Variants in GPR132 observed in about 807,000 individuals in gnomAD.
The protein encoded by GPR132 is probable G protein-coupled receptor 132.
In GPR132, 4 loss-of-function variants were observed where a neutral mutation model predicts 1.9. The ratio of observed to expected loss-of-function variants is 2.13; its 90% confidence interval spans 1.05 to 4.87. The LOEUF is 4.87. Ranked by LOEUF, GPR132 falls within the 30% of genes most tolerant of loss-of-function variation. GPR132 has a pLI of 0.01. For synonymous variants in GPR132, 233 were observed against 234.2 expected (o/e 0.99, Z 0.05); for missense variants, 404 against 512.5 (o/e 0.79, Z 2.04).
Position 105,049,936 on chromosome 14 carries a change from T to C in GPR132, c.*1058A>G, listed in dbSNP as rs987242097. 1 of 152,318 alleles carries C rather than the reference T, an allele frequency of 6.6e-6. No homozygotes were observed. The highest frequency in any genetic ancestry group is 1.5e-5 in the Non-Finnish European group (1 of 68,122). The allele number at this position is 152,318 out of a possible 1,614,324, so 9.4% of individuals were successfully genotyped here. On this transcript the variant is annotated 3_prime_UTR_variant, in exon 4 of 4. Coordinates refer to ENST00000329797, the MANE Select transcript of GPR132 (RefSeq NM_013345.4). ...GCTGTGCCGGGCACTGGGCTCCCCA[T>C]GCAGGTGCTGCGTCTGCCCGGCTCT...
chr14:105,065,221 C>T (rs1179812995), intron 1 of GPR132, among the ~76,000 whole-genome samples, 158 bp downstream of exon 1: 1 of 152,120 alleles, frequency 6.6e-6, no homozygotes, highest in African/African-American at 2.4e-5. Flanking sequence ...CGGGAGGGAC[C>T]CCAGATTAAG....
Position 105,059,464 on chromosome 14 carries a change from G to A in GPR132, c.-860-2184C>T, listed in dbSNP as rs957110486. ...ACTGCTCAGCGCCGATCTGCCTGGC[G>A]TTCTATTCAGTCATCCCTCTGCTCA... is the stretch of plus-strand genomic sequence containing the variant. On this transcript the variant is annotated intron_variant, in intron 1 of 3. Transcript: ENST00000329797. The surrounding 1 kb of genome is among the most constrained non-coding windows in gnomAD (Gnocchi z 4.2). Among the ~76,000 whole-genome samples, 12 of 152,120 alleles carry A rather than the reference G, an allele frequency of 7.9e-5. No individual in the cohort carries two copies. The highest frequency in any genetic ancestry group is 2.6e-4 in the Admixed American group (4 of 15,274).
At chr14:105,054,335 G>A (rs1281647097) in intron 3 of GPR132, 16 of 985,114 alleles carry the variant, frequency 1.6e-5, no homozygotes, top group Non-Finnish European at 1.8e-5. Context: ...CCTCCCTCCT[G>A]TACTTGAGGG....
rs186656153 is a variant in GPR132, at chr14:105,061,747, G to A, written c.-861+3632C>T. ...GGAAGCAGGCACCACCCTCCTGGGG[G>A]GGGGGAGTCCCTCCTGGGCTGTGCA... On this transcript the variant is annotated intron_variant, in intron 1 of 3. Coordinates refer to ENST00000329797, the MANE Select transcript of GPR132 (RefSeq NM_013345.4). Among the ~76,000 whole-genome samples, 89 of 152,258 alleles carry A rather than the reference G, an allele frequency of 5.8e-4. 1 individual carries two copies. In the East Asian group the frequency reaches 0.016, roughly 28 times the overall value.
At chr14:105,057,309 T>TCCAAGCCAAC in intron 1 of GPR132, 29 bp from the exon 2 acceptor site, 2 of 683,672 alleles carry the variant, frequency 2.9e-6, no homozygotes, top group African/African-American at 3.6e-5. Context: ...GAAATTGTTT[T>TCCAAGCCAAC]AGGGAAATCA....
Position 105,056,594 on chromosome 14 carries a change from G to A in GPR132, c.-746-428C>T, listed in dbSNP as rs753536183. Among the ~76,000 whole-genome samples the A allele has an allele frequency of 2.1e-4, 32 of 151,896 alleles. No individual in the cohort carries two copies. Among genetic ancestry groups the A allele is most frequent in the African/African-American group, 5.6e-4 (23 of 41,364 alleles). ...TCCCCCACCCCACACATCGTCGCCC[G>A]TGCGGTCTCAGTCAGGGCCTCGGTG... is the stretch of plus-strand genomic sequence containing the variant. On this transcript the variant is annotated intron_variant, in intron 2 of 3. Transcript: ENST00000329797. The surrounding 1 kb of genome is among the most constrained non-coding windows in gnomAD (Gnocchi z 6.0).
chr14:105,064,719 C>A (rs1381000655), intron 1 of GPR132, among the ~76,000 whole-genome samples: 1 of 152,216 alleles, frequency 6.6e-6, no homozygotes, highest in East Asian at 1.9e-4. Context: ...CTCAGCCCAA[C>A]TGGCCAGTCT....
chr14:105,058,683 T>A (rs1315735176), intron 1 of GPR132, among the ~76,000 whole-genome samples: 1 of 152,244 alleles, frequency 6.6e-6, no homozygotes, highest in African/African-American at 2.4e-5. Flanking sequence ...GCACATGGCC[T>A]GGAAGCTGTG....
chr14:105,064,858 G>C (rs1299712648), intron 1 of GPR132, among the ~76,000 whole-genome samples: 1 of 152,066 alleles, frequency 6.6e-6, no homozygotes, highest in East Asian at 1.9e-4. Context: ...GACCTGCCCA[G>C]CTCCAGGATC....
At chr14:105,053,667 T>C (rs1161108279) in intron 3 of GPR132, among the ~76,000 whole-genome samples, 1 of 151,792 alleles carries the variant, frequency 6.6e-6, no homozygotes, top group Non-Finnish European at 1.5e-5. Flanking sequence ...TATTACTATG[T>C]CATGTGATAC....
intron 1 of GPR132, among the ~76,000 whole-genome samples, chr14:105,058,435 T>G (rs1886856748): frequency 6.6e-6 from 1 of 152,238 alleles, no homozygotes; most frequent in Non-Finnish European, 1.5e-5. Context: ...AACATGAATA[T>G]CTGAAAGACA....
chr14:105,064,469 G>A (rs1391098768), intron 1 of GPR132, among the ~76,000 whole-genome samples: 1 of 152,098 alleles, frequency 6.6e-6, no homozygotes, highest in African/African-American at 2.4e-5. Flanking sequence ...AAGTAGCTGG[G>A]ATTACAGACG....
chr14:105,050,740 G>GC lies in GPR132; in HGVS notation c.*253dup. The GC allele has an allele frequency of 1.9e-6, 1 of 535,050 alleles. No individual in the cohort carries two copies. The highest frequency in any genetic ancestry group is 3.3e-6 in the Non-Finnish European group (1 of 299,584). The allele number at this position is 535,050 out of a possible 1,614,324, so 33.1% of individuals were successfully genotyped here. On this transcript the variant is annotated 3_prime_UTR_variant, in exon 4 of 4. Coordinates refer to ENST00000329797, the MANE Select transcript of GPR132 (RefSeq NM_013345.4). The surrounding 1 kb of genome is among the most constrained non-coding windows in gnomAD (Gnocchi z 4.0). ...AGCCAGGCAGGCTGCTGATGAAGAG[G>GC]CCCCACTGCCTGCCACATGCTCTCT...
Position 105,059,477 on chromosome 14 carries a change from A to G in GPR132, c.-860-2197T>C, listed in dbSNP as rs989787270. ...GATCTGCCTGGCGTTCTATTCAGTC[A>G]TCCCTCTGCTCACTGAGACAGATGC... On this transcript the variant is annotated intron_variant, in intron 1 of 3. Transcript: ENST00000329797. The surrounding 1 kb of genome is among the most constrained non-coding windows in gnomAD (Gnocchi z 4.2). 6.6e-6 allele frequency among the ~76,000 whole-genome samples: 1 copy of G among 152,124 alleles called. No homozygotes were observed. The highest frequency in any genetic ancestry group is 2.4e-5 in the African/African-American group (1 of 41,406).
rs1886769384 is a variant in GPR132, at chr14:105,055,570, T to C, written c.-150A>G. ...TTTGTCTCTGTGCGCTGGGCTCCCC[T>C]GTCACCTCCCCACGTGGGTGGGCAT... On this transcript the variant is annotated 5_prime_UTR_variant, in exon 3 of 4. Coordinates refer to ENST00000329797, the MANE Select transcript of GPR132 (RefSeq NM_013345.4). This position sits in a 1 kb window ranked among gnomAD's most constrained non-coding sequence, Gnocchi z 4.7. 2 of 702,110 alleles carry C rather than the reference T, an allele frequency of 2.8e-6. No homozygotes were observed. The highest frequency in any genetic ancestry group is 1.8e-5 in the African/African-American group (1 of 55,972). The allele number at this position is 702,110 out of a possible 1,614,324, so 43.5% of individuals were successfully genotyped here.
At chr14:105,057,417 A>G (rs1416882449) in intron 1 of GPR132, 137 bp from the exon 2 acceptor site, 2 of 504,978 alleles carry the variant, frequency 4.0e-6, no homozygotes, top group African/African-American at 2.0e-5. Context: ...AAATGTTGAG[A>G]ATCTGCCGTT....
At position 105,049,556 on chromosome 14, in the gene GPR132, T is replaced by G. The variant is rs1183593086; in HGVS notation, c.*1438A>C. 1 of 152,176 alleles carries G rather than the reference T, an allele frequency of 6.6e-6. No homozygotes were observed. Among genetic ancestry groups the G allele is most frequent in the Non-Finnish European group, 1.5e-5 (1 of 68,070 alleles). The allele number at this position is 152,176 out of a possible 1,614,324, so 9.4% of individuals were successfully genotyped here. ...GGGATGACAGGCGTGAGCACTGCCCTGCCTTGTGCTTTTATTTCTAAACAC... is the reference window on the plus strand; with the variant it reads ...GGGATGACAGGCGTGAGCACTGCCCGGCCTTGTGCTTTTATTTCTAAACAC... On this transcript the variant is annotated 3_prime_UTR_variant, in exon 4 of 4. Transcript: ENST00000329797.
chr14:105,055,554 G>C lies in GPR132; in HGVS notation c.-134C>G. 1 of 728,160 alleles carries C rather than the reference G, an allele frequency of 1.4e-6. No individual in the cohort carries two copies. The highest frequency in any genetic ancestry group is 1.5e-5 in the South Asian group (1 of 67,606). 45.1% of individuals were successfully genotyped at this position (728,160 alleles called of 1,614,324 possible). A position where few individuals can be genotyped will look rare whatever the true frequency, so the allele number is the denominator to read the frequency against. ...CAGGCCTCCATTCCACTTTGTCTCTGTGCGCTGGGCTCCCCTGTCACCTCC... is the reference window on the plus strand; with the variant it reads ...CAGGCCTCCATTCCACTTTGTCTCTCTGCGCTGGGCTCCCCTGTCACCTCC... On this transcript the variant is annotated 5_prime_UTR_variant, in exon 3 of 4. Coordinates refer to ENST00000329797, the MANE Select transcript of GPR132 (RefSeq NM_013345.4). The surrounding 1 kb of genome is among the most constrained non-coding windows in gnomAD (Gnocchi z 4.7).
intron 1 of GPR132, among the ~76,000 whole-genome samples, chr14:105,061,625 T>C (rs963461578): frequency 1.5e-4 from 22 of 151,316 alleles, no homozygotes; most frequent in Non-Finnish European, 1.6e-4. Flanking sequence ...TCGGGGAGGG[T>C]GCAGTGGGGC....
Sources: allele counts gnomAD v4.1 joint callset (sites outside exome capture counted in the v4.1 genomes callset), GRCh38; gene constraint gnomAD v4.1.1; non-coding constraint Gnocchi (gnomAD v3.1); transcripts MANE v1.5; gene names NCBI Gene and HGNC (gene_info 2026-07-23, HGNC 2026-07-21).